The following ZNF827 variants were observed in gnomAD, a reference collection of about 807,000 sequenced individuals.
ZNF827 encodes the protein zinc finger protein 827.
Under a neutral mutation model 102.4 loss-of-function variants are expected in ZNF827, and 13 were observed. That is an observed-to-expected ratio of 0.13 (90% CI 0.08 to 0.20). ZNF827 has a LOEUF of 0.20. Ranked by LOEUF, ZNF827 falls within the 10% of genes least tolerant of loss-of-function variation. The probability of loss-of-function intolerance (pLI) is 1.00; values close to 1 mark genes in which losing one functional copy is unlikely to be tolerated. For missense variants in ZNF827, 1,103 were observed against 1,344.4 expected (o/e 0.82, Z 2.81); for synonymous variants, 523 against 536.2 (o/e 0.98, Z 0.34).
intron 1 of ZNF827, among the ~76,000 whole-genome samples, chr4:145,910,172 G>A (rs1390594572): frequency 1.3e-5 from 2 of 152,094 alleles, no homozygotes; most frequent in Non-Finnish European, 2.9e-5. Context: ...GGGTCAAGAC[G>A]AGCATTTGGC....
At chr4:145,905,749 T>A (rs1263729128) in intron 1 of ZNF827, among the ~76,000 whole-genome samples, 1 of 152,192 alleles carries the variant, frequency 6.6e-6, no homozygotes, top group Non-Finnish European at 1.5e-5. Flanking sequence ...TTCAGTAGAA[T>A]CACATAGGAA....
intron 1 of ZNF827, among the ~76,000 whole-genome samples, chr4:145,921,560 AGGG>A (rs1347606944): frequency 6.7e-6 from 1 of 149,978 alleles, no homozygotes; most frequent in East Asian, 2.0e-4. Flanking sequence ...AAGCAGTGGC[AGGG>A]GGTGGGCATG....
At chr4:145,844,722 AAATAAAT>A (rs1276220193) in intron 7 of ZNF827, among the ~76,000 whole-genome samples, 121 of 128,724 alleles carry the variant, frequency 9.4e-4, no homozygotes, top group Non-Finnish European at 1.6e-3. Flanking sequence ...ATAAATAAAT[AAATAAAT>A]AAAATAAACC....
At chr4:145,878,574 GGACA>G in intron 4 of ZNF827, among the ~76,000 whole-genome samples, 1 of 124,232 alleles carries the variant, frequency 8.0e-6, no homozygotes, top group African/African-American at 3.2e-5. Flanking sequence ...GGACAGGACA[GGACA>G]GGACAGGACA....
chr4:145,760,743 T>TGTCTC lies in ZNF827; in HGVS notation c.*872_*873insGAGAC. 1 of 1,030,712 alleles carries TGTCTC rather than the reference T, an allele frequency of 9.7e-7. No homozygotes were observed. The highest frequency in any genetic ancestry group is 1.2e-6 in the Non-Finnish European group (1 of 852,568). The allele number at this position is 1,030,712 out of a possible 1,614,324, so 63.8% of individuals were successfully genotyped here. The stretch of plus-strand genomic sequence containing the variant: ...TGGTTTTTTTTTTTTTTTTTGTCTT[T>TGTCTC]TGTCTCTCTGTTTTTGGTACAGAAC... On this transcript the variant is annotated 3_prime_UTR_variant, in exon 15 of 15. Coordinates refer to ENST00000508784, the MANE Select transcript of ZNF827 (RefSeq NM_001306215.2).
At chr4:145,932,351 C>G (rs1753868612) in intron 1 of ZNF827, among the ~76,000 whole-genome samples, 1 of 152,174 alleles carries the variant, frequency 6.6e-6, no homozygotes, top group South Asian at 2.1e-4. Flanking sequence ...CTTGTCCAGA[C>G]AGAATCCGAA....
At chr4:145,796,623 CTTTTTTT>C (rs34553120) in intron 8 of ZNF827, among the ~76,000 whole-genome samples, 30 of 113,924 alleles carry the variant, frequency 2.6e-4, no homozygotes, top group Admixed American at 2.8e-4. Context: ...ATTTGTTCCT[CTTTTTTT>C]TTTTTTTTTT....
chr4:145,863,275 T>C (rs1747895035), intron 5 of ZNF827, among the ~76,000 whole-genome samples: 1 of 152,194 alleles, frequency 6.6e-6, no homozygotes. Flanking sequence ...GTGGAGAAAT[T>C]GAGACCCTCA....
rs1460319483 is a variant in ZNF827 at position 145,761,402 on chromosome 4, C to T, written c.*214G>A. On this transcript the variant is annotated 3_prime_UTR_variant, in exon 15 of 15. Coordinates refer to ENST00000508784, the MANE Select transcript of ZNF827 (RefSeq NM_001306215.2). The surrounding 1 kb of genome is among the most constrained non-coding windows in gnomAD (Gnocchi z 6.8). ...CGCACGTGCTCGATGAGCTTGTTGG[C>T]GGTCTTGGACAGGTAGCCGCACTGG... 7 of 1,289,730 alleles carry T rather than the reference C, an allele frequency of 5.4e-6. No individual in the cohort carries two copies. Among genetic ancestry groups the T allele is most frequent in the Non-Finnish European group, 4.0e-6 (4 of 988,872 alleles). The allele number at this position is 1,289,730 out of a possible 1,614,324, so 79.9% of individuals were successfully genotyped here.
At chr4:145,782,279 G>A (rs991880819) in intron 8 of ZNF827, among the ~76,000 whole-genome samples, 8 of 152,182 alleles carry the variant, frequency 5.3e-5, no homozygotes, top group African/African-American at 1.7e-4. Context: ...GGGGCCTGGC[G>A]GAAGAGGCAG....
rs1427228613 is a variant in ZNF827, at chr4:145,775,781, C to T, written c.2693+8G>A. 1 of 1,614,142 alleles carries T rather than the reference C, an allele frequency of 6.2e-7. No homozygotes were observed. Among genetic ancestry groups the T allele is most frequent in the Non-Finnish European group, 8.5e-7 (1 of 1,180,000 alleles). Reference sequence around the variant, plus strand: ...AAGGCGGACTAGCATGTTCCATCTGCAACTCACCTGTAATAATAAGGATGT... The same window carrying T: ...AAGGCGGACTAGCATGTTCCATCTGTAACTCACCTGTAATAATAAGGATGT... On this transcript the variant is annotated splice_region_variant and intron_variant, in intron 10 of 14. Coordinates refer to ENST00000508784, the MANE Select transcript of ZNF827 (RefSeq NM_001306215.2).
At chr4:145,855,950 C>A (rs898404863) in intron 5 of ZNF827, among the ~76,000 whole-genome samples, 4 of 152,064 alleles carry the variant, frequency 2.6e-5, no homozygotes, top group Admixed American at 6.5e-5. Flanking sequence ...CACTGTGTCT[C>A]CCCCTGTATC....
chr4:145,926,553 G>A (rs1753439539), intron 1 of ZNF827, among the ~76,000 whole-genome samples: 1 of 152,136 alleles, frequency 6.6e-6, no homozygotes, highest in Admixed American at 6.5e-5. Context: ...ATGCTGAAAT[G>A]TACCAATTTT....
chr4:145,937,730 T>G (rs1239758068), intron 1 of ZNF827, among the ~76,000 whole-genome samples: 5 of 74,388 alleles, frequency 6.7e-5, no homozygotes, highest in East Asian at 4.5e-4. Flanking sequence ...CACCTCCGCC[T>G]CCTCCTGCTC....
intron 8 of ZNF827, among the ~76,000 whole-genome samples, chr4:145,812,624 T>C (rs1042096116): frequency 6.6e-6 from 1 of 152,000 alleles, no homozygotes; most frequent in African/African-American, 2.4e-5. Flanking sequence ...GCCGCCTGGG[T>C]TCAAGAGATT....
At chr4:145,906,436 G>C (rs4536949) in intron 1 of ZNF827, among the ~76,000 whole-genome samples, 3,144 of 152,132 alleles carry the variant, frequency 0.021, 96 homozygotes, top group African/African-American at 0.064. Flanking sequence ...TGTTGGAGTC[G>C]GTCAAAAGGA....
At chr4:145,915,221 G>T (rs963783770) in intron 1 of ZNF827, among the ~76,000 whole-genome samples, 1 of 152,178 alleles carries the variant, frequency 6.6e-6, no homozygotes, top group African/African-American at 2.4e-5. Context: ...GCTGAGGCGG[G>T]TGGATCACCT....
At chr4:145,774,406 C>A in intron 11 of ZNF827, 100 bp downstream of exon 11, 1 of 1,321,824 alleles carries the variant, frequency 7.6e-7, no homozygotes. Flanking sequence ...AGGAAAAGGG[C>A]AATGTCTCAG....
intron 7 of ZNF827, among the ~76,000 whole-genome samples, chr4:145,827,448 C>T (rs555381915): frequency 5.3e-5 from 8 of 152,242 alleles, no homozygotes; most frequent in African/African-American, 1.9e-4. Flanking sequence ...AAGATATGCC[C>T]CAATTTCCTA....
Sources: allele counts gnomAD v4.1 joint callset (sites outside exome capture counted in the v4.1 genomes callset), GRCh38; gene constraint gnomAD v4.1.1; non-coding constraint Gnocchi (gnomAD v3.1); transcripts MANE v1.5; gene names NCBI Gene and HGNC (gene_info 2026-07-23, HGNC 2026-07-21).